Variants in ZFHX4 observed in about 807,000 individuals in gnomAD.
The protein encoded by ZFHX4 is zinc finger homeobox protein 4.
ZFHX4 carries 56 observed loss-of-function variants against 267.6 expected under a neutral mutation model. That is an observed-to-expected ratio of 0.21 (90% CI 0.17 to 0.26). ZFHX4 has a LOEUF of 0.26. Ranked by LOEUF, ZFHX4 falls within the 10% of genes least tolerant of loss-of-function variation. The probability of loss-of-function intolerance (pLI) is 1.00; values close to 1 mark genes in which losing one functional copy is unlikely to be tolerated. For synonymous variants in ZFHX4, 1,778 were observed against 1,665.6 expected, an observed-to-expected ratio of 1.07 and a Z score of -1.64; for missense variants, 4,332 against 4,420.0, an observed-to-expected ratio of 0.98 and a Z score of 0.56.
Position 76,863,637 on chromosome 8 carries a change from C to G in ZFHX4, c.9923C>G (p.Ala3308Gly). The G allele has an allele frequency of 6.2e-7, 1 of 1,612,550 alleles. No homozygotes were observed. Among genetic ancestry groups the G allele is most frequent in the African/African-American group, 1.3e-5 (1 of 75,014 alleles). ...PYGPTMPQTL[A>G]GLSPGALLQQ... is the part of the protein sequence containing the mutation. ...GGCCCTACAATGCCCCAGACACTGG[C>G]AGGTCTGTCCCCAGGTGCACTGTTG... The change falls in exon 11 of 11, where the codon GCA becomes GGA. Residue 3308 changes from alanine (A) to glycine (G), a missense_variant. Physicochemically the swap from Ala to Gly is moderately conservative, Grantham distance 60 (BLOSUM62 0). This residue lies in a region of ZFHX4 where 1,648 missense variants were observed against 1,625.0 expected (regional missense o/e 1.01). Transcript: ENST00000651372.
chr8:76,779,351 C>G (rs1810487478), intron 4 of ZFHX4, among the ~76,000 whole-genome samples: 1 of 151,726 alleles, frequency 6.6e-6, no homozygotes. Flanking sequence ...ATAAATATAC[C>G]AGTGTTAAAA....
intron 3 of ZFHX4, among the ~76,000 whole-genome samples, chr8:76,736,274 C>A (rs1006387306): frequency 6.6e-6 from 1 of 151,504 alleles, no homozygotes; most frequent in African/African-American, 2.4e-5. Context: ...TTAAGTCAAG[C>A]CTTGAAAAAA....
chr8:76,766,365 C>T (rs148676792), intron 3 of ZFHX4, among the ~76,000 whole-genome samples: 2 of 152,144 alleles, frequency 1.3e-5, no homozygotes, highest in Non-Finnish European at 1.5e-5. Flanking sequence ...ATTTGTGTGG[C>T]CATTAAGAAC....
chr8:76,707,421 A>T, intron 2 of ZFHX4, 125 bp from the exon 3 acceptor site: 1 of 871,004 alleles, frequency 1.1e-6, no homozygotes, highest in Non-Finnish European at 1.7e-6. Context: ...GAATCCTATT[A>T]CAGCTTTTTA....
intron 3 of ZFHX4, among the ~76,000 whole-genome samples, chr8:76,721,858 C>T (rs371157189): frequency 6.6e-6 from 1 of 152,012 alleles, no homozygotes; most frequent in Non-Finnish European, 1.5e-5. Context: ...TGTTTGTGAC[C>T]GTATGTATGA....
At chr8:76,835,607 G>A (rs570231052) in intron 5 of ZFHX4, among the ~76,000 whole-genome samples, 5 of 151,870 alleles carry the variant, frequency 3.3e-5, no homozygotes, top group African/African-American at 1.2e-4. Context: ...ACCTATGCAT[G>A]TCTCATCAAT....
intron 1 of ZFHX4, among the ~76,000 whole-genome samples, chr8:76,691,190 T>C (rs535314800): frequency 6.6e-6 from 1 of 152,208 alleles, no homozygotes; most frequent in South Asian, 2.1e-4. Flanking sequence ...CTGTCTTCTC[T>C]GAGAGAGTGA....
rs1408037634 is a variant in ZFHX4, at chr8:76,855,927, G to A, written c.9006G>A (p.Thr3002=). 1 of 1,613,850 alleles carries A rather than the reference G, an allele frequency of 6.2e-7. No individual in the cohort carries two copies. Among genetic ancestry groups the A allele is most frequent in the South Asian group, 1.1e-5 (1 of 91,078 alleles). The change falls in exon 10 of 11, where the codon ACG becomes ACA. Residue 3002 remains threonine, a synonymous_variant. Coordinates refer to ENST00000651372, the MANE Select transcript of ZFHX4 (RefSeq NM_024721.5). ...CTTTCATGATCAATCAAGGCGGAACGGAAGGCACCAAACCAGAGTGTACCC... is the reference window on the plus strand; with the variant it reads ...CTTTCATGATCAATCAAGGCGGAACAGAAGGCACCAAACCAGAGTGTACCC... ...GKPFMINQGG[T]EGTKPECTLC... is the part of the protein sequence containing the mutation.
At chr8:76,803,587 C>A (rs1811173536) in intron 4 of ZFHX4, among the ~76,000 whole-genome samples, 1 of 152,046 alleles carries the variant, frequency 6.6e-6, no homozygotes, top group Non-Finnish European at 1.5e-5. Context: ...GTGTTTGTGT[C>A]TATCCTCAGC....
intron 4 of ZFHX4, among the ~76,000 whole-genome samples, chr8:76,816,761 A>G (rs569730608): frequency 5.7e-4 from 87 of 151,866 alleles, no homozygotes; most frequent in African/African-American, 2.0e-3. Context: ...ATGCCCGGCT[A>G]ATTTTTGTAT....
intron 5 of ZFHX4, among the ~76,000 whole-genome samples, chr8:76,836,603 A>G (rs1472360363): frequency 6.6e-6 from 1 of 152,090 alleles, no homozygotes; most frequent in Non-Finnish European, 1.5e-5. Flanking sequence ...GAGAAAGATG[A>G]GGGAGTGAGG....
At chr8:76,863,015 C>A (rs1427405679) in intron 10 of ZFHX4, 79 bp from the exon 11 acceptor site, 2 of 1,438,624 alleles carry the variant, frequency 1.4e-6, no homozygotes, top group South Asian at 1.5e-5. Context: ...TTAGTGAGTT[C>A]TATTTAGGTG....
At position 76,691,393 on chromosome 8, in the gene ZFHX4, A is replaced by G. The variant is rs377380251; in HGVS notation, c.-47+9773A>G. ...TATCATAATCATAAACATGGTGTGA[A>G]CAAGAACAACACTTCAATTCCGTGT... is the stretch of plus-strand genomic sequence containing the variant. On this transcript the variant is annotated intron_variant, in intron 1 of 10. Coordinates refer to ENST00000651372, the MANE Select transcript of ZFHX4 (RefSeq NM_024721.5). Among the ~76,000 whole-genome samples the G allele has an allele frequency of 1.8e-4, 28 of 152,204 alleles. No individual in the cohort carries two copies. The East Asian group carries it at 5.0e-3, about 27-fold the overall frequency.
Position 76,856,161 on chromosome 8 carries a change from G to A in ZFHX4, c.9240G>A (p.Gln3080=), listed in dbSNP as rs1422385930. The part of the protein sequence containing the change: ...ASDVLGLTVQ[Q]PGMMDSSSLH... ...ACGTGCTGGGCTTGACGGTACAGCAGCCAGGCATGATGGACAGCAGTTCTC... is the reference window on the plus strand; with the variant it reads ...ACGTGCTGGGCTTGACGGTACAGCAACCAGGCATGATGGACAGCAGTTCTC... The change falls in exon 10 of 11, where the codon CAG becomes CAA. Residue 3080 remains glutamine, a synonymous_variant. Coordinates refer to ENST00000651372, the MANE Select transcript of ZFHX4 (RefSeq NM_024721.5). The A allele has an allele frequency of 6.2e-7, 1 of 1,613,976 alleles. No individual in the cohort carries two copies.
intron 3 of ZFHX4, among the ~76,000 whole-genome samples, chr8:76,766,271 GTC>G (rs937339034): frequency 4.6e-5 from 7 of 151,888 alleles, no homozygotes; most frequent in South Asian, 2.1e-4. Context: ...ATGTCTTAAT[GTC>G]TCTCTCTAGC....
Position 76,851,486 on chromosome 8 carries a change from C to A in ZFHX4, c.4565C>A (p.Pro1522His), listed in dbSNP as rs756374230. 1 of 1,613,882 alleles carries A rather than the reference C, an allele frequency of 6.2e-7. No homozygotes were observed. The highest frequency in any genetic ancestry group is 1.1e-5 in the South Asian group (1 of 91,078). ...DMGSEPKRTL[P>H]FRKGPNFTME... is the part of the protein sequence containing the mutation. ...GGCTCTGAACCAAAGCGGACCTTAC[C>A]TTTTAGAAAAGGGCCCAATTTTACG... Residue 1522 changes from proline to histidine, a missense_variant, in exon 10 of 11, where the codon CCT becomes CAT. By Grantham distance (77) the Pro-to-His change is moderately conservative. Coordinates refer to ENST00000651372, the MANE Select transcript of ZFHX4 (RefSeq NM_024721.5).
chr8:76,807,714 A>G (rs535013476), intron 4 of ZFHX4, among the ~76,000 whole-genome samples: 10 of 152,278 alleles, frequency 6.6e-5, no homozygotes, highest in African/African-American at 2.4e-4. Flanking sequence ...CATGGAGATC[A>G]TTCAGTTTTG....
At chr8:76,848,589 T>C (rs1379039653) in intron 6 of ZFHX4, among the ~76,000 whole-genome samples, 2 of 152,192 alleles carry the variant, frequency 1.3e-5, no homozygotes, top group Admixed American at 6.5e-5. Context: ...AACGTTGAAA[T>C]ATTTTAAGTG....
chr8:76,711,619 G>C (rs1808426611), intron 3 of ZFHX4, among the ~76,000 whole-genome samples: 1 of 152,080 alleles, frequency 6.6e-6, no homozygotes, highest in African/African-American at 2.4e-5. Flanking sequence ...AATATTTGTA[G>C]AATGAGTGAT....
Sources: gnomAD v4.1 joint callset for allele counts (sites outside exome capture counted in the v4.1 genomes callset) on GRCh38, gnomAD v4.1.1 for gene constraint, gnomAD v4.1.1 regional missense constraint, MANE v1.5 for transcripts, NCBI Gene and HGNC (gene_info 2026-07-23, HGNC 2026-07-21) for gene names.